The following CACNA2D4 variants were observed in gnomAD, a reference collection of about 807,000 sequenced individuals.
CACNA2D4 encodes the protein calcium voltage-gated channel auxiliary subunit alpha2delta 4, also known as voltage-dependent calcium channel subunit alpha-2/delta-4.
A neutral mutation model predicts 163.8 loss-of-function variants in CACNA2D4; 157 were observed. The ratio of observed to expected loss-of-function variants is 0.96; its 90% CI spans 0.84 to 1.09. The LOEUF is 1.09. Ranked by LOEUF, CACNA2D4 falls within the 50% of genes least tolerant of loss-of-function variation. The probability of loss-of-function intolerance (pLI) is 0.00; values close to 1 mark genes in which losing one functional copy is unlikely to be tolerated. For synonymous variants in CACNA2D4, 598 were observed against 586.9 expected, an observed-to-expected ratio of 1.02 and a Z score of -0.27; for missense variants, 1,410 against 1,479.9, an observed-to-expected ratio of 0.95 and a Z score of 0.78.
chr12:1,829,173 G>A lies in CACNA2D4; in HGVS notation c.2551+11566C>T, dbSNP rs540490806. 6.6e-5 allele frequency among the ~76,000 whole-genome samples: 10 copies of A among 152,174 alleles called. No individual in the cohort carries two copies. The highest frequency in any genetic ancestry group is 1.0e-4 in the Non-Finnish European group (7 of 68,034). ...ACCTTGATCTCCAGGGAGGTGGGGG[G>A]CGCAGGGAGTCGCTCTTCCGCAGCG... On this transcript the variant is annotated intron_variant, in intron 26 of 37. Transcript: ENST00000382722. This position sits in a 1 kb window ranked among gnomAD's most constrained non-coding sequence, Gnocchi z 4.2.
At chr12:1,805,557 C>A (rs532594722) in intron 29 of CACNA2D4, among the ~76,000 whole-genome samples, 1 of 152,298 alleles carries the variant, frequency 6.6e-6, no homozygotes, top group Admixed American at 6.5e-5. Flanking sequence ...CCTCACCTGC[C>A]CCTCCGTCCT....
At chr12:1,851,651 T>TTGTGTTTGTGTGTGTG (rs1865282050) in intron 23 of CACNA2D4, among the ~76,000 whole-genome samples, 1 of 118,580 alleles carries the variant, frequency 8.4e-6, no homozygotes, top group East Asian at 2.4e-4. Flanking sequence ...TGGTGTGTGT[T>TTGTGTTTGTGTGTGTG]TGTGTGTGTG....
At chr12:1,886,166 C>T in intron 8 of CACNA2D4, 57 bp downstream of exon 8, 1 of 1,593,464 alleles carries the variant, frequency 6.3e-7, no homozygotes, top group Non-Finnish European at 8.6e-7. Context: ...ACCTTGGTAC[C>T]TGTGTATGAT....
intron 27 of CACNA2D4, 26 bp from the exon 28 acceptor site, chr12:1,810,613 G>A: frequency 6.4e-7 from 1 of 1,551,666 alleles, no homozygotes; most frequent in Non-Finnish European, 8.7e-7. Flanking sequence ...GAGACTGAAT[G>A]TGGACACTGC....
chr12:1,912,518 T>C lies in CACNA2D4; in HGVS notation c.426+505A>G, dbSNP rs552959418. 6.6e-4 allele frequency among the ~76,000 whole-genome samples: 101 copies of C among 152,190 alleles called. 6 individuals are homozygous for C. The South Asian group carries it at 0.02, about 30-fold the overall frequency. ...TGGCCCTCAGAGCACTTGGAAGCCATGAAGGTGGGTCCTGATGGCTGAATG... is the reference window on the plus strand; with the variant it reads ...TGGCCCTCAGAGCACTTGGAAGCCACGAAGGTGGGTCCTGATGGCTGAATG... On this transcript the variant is annotated intron_variant, in intron 3 of 37. Transcript: ENST00000382722.
Position 1,885,166 on chromosome 12 carries a change from G to A in CACNA2D4, c.1069-90C>T, listed in dbSNP as rs1022126916. ...GGTGTTAATTTGGGAGGCTGTTTAG[G>A]GCCATCCAGAAGGACATGATTTCAG... On this transcript the variant is annotated intron_variant, in intron 9 of 37. Transcript: ENST00000382722. 2.9e-6 allele frequency: 3 copies of A among 1,041,560 alleles called. No individual in the cohort carries two copies. In the African/African-American group the frequency reaches 4.7e-5, roughly 16 times the overall value. 64.5% of individuals were successfully genotyped at this position (1,041,560 alleles called of 1,614,324 possible).
intron 13 of CACNA2D4, 120 bp downstream of exon 13, chr12:1,882,747 A>T: frequency 9.8e-7 from 1 of 1,018,500 alleles, no homozygotes; most frequent in Non-Finnish European, 1.4e-6. Flanking sequence ...GCCCCTTCTT[A>T]ATGTTCCCTA....
At chr12:1,903,096 C>T (rs1866574036) in intron 6 of CACNA2D4, among the ~76,000 whole-genome samples, 1 of 151,964 alleles carries the variant, frequency 6.6e-6, no homozygotes, top group Admixed American at 6.6e-5. Context: ...ACAAAGGTGC[C>T]AAGTACACAC....
chr12:1,887,157 AT>A, intron 6 of CACNA2D4, 88 bp from the exon 7 acceptor site: 2 of 869,172 alleles, frequency 2.3e-6, no homozygotes, highest in Non-Finnish European at 3.8e-6. Flanking sequence ...GATGGCCATG[AT>A]CCCCAGGGCA....
At chr12:1,916,520 G>T (rs1001261229) in intron 1 of CACNA2D4, among the ~76,000 whole-genome samples, 35 of 152,096 alleles carry the variant, frequency 2.3e-4, no homozygotes, top group African/African-American at 7.7e-4. Flanking sequence ...TGCAGCGTGA[G>T]ATCTCTGAGC....
chr12:1,808,227 G>A (rs551355389), intron 29 of CACNA2D4, among the ~76,000 whole-genome samples: 45 of 152,218 alleles, frequency 3.0e-4, no homozygotes, highest in African/African-American at 9.1e-4. Context: ...CTCCAGGGCC[G>A]CCTCCCCGCA....
chr12:1,867,593 T>G (rs1305081725), intron 18 of CACNA2D4, among the ~76,000 whole-genome samples: 1 of 152,200 alleles, frequency 6.6e-6, no homozygotes. Flanking sequence ...TAATACCTTC[T>G]GCATAGCAAA....
chr12:1,811,627 T>C (rs920409932), intron 27 of CACNA2D4, 35 bp downstream of exon 27: 15 of 1,549,800 alleles, frequency 9.7e-6, no homozygotes, highest in African/African-American at 2.8e-5. Context: ...GCGTGGTGAG[T>C]CCCCAGCCCC....
chr12:1,838,276 C>T (rs1054291471), intron 26 of CACNA2D4, among the ~76,000 whole-genome samples: 12 of 152,178 alleles, frequency 7.9e-5, no homozygotes, highest in Non-Finnish European at 1.8e-4. Context: ...CCACTGCCCC[C>T]GTGGCTGGGC....
rs11838086 is a variant in CACNA2D4, at chr12:1,888,547, A to G, written c.782-1478T>C. 3.7e-3 allele frequency among the ~76,000 whole-genome samples: 566 copies of G among 152,362 alleles called. 2 individuals carry two copies. Among genetic ancestry groups the G allele is most frequent in the African/African-American group, 0.013 (550 of 41,590 alleles). ...ACACAAACTAGGTAGGTATGAGAAG[A>G]ACACATAATACAAAGAACATACAAG... is the stretch of plus-strand genomic sequence containing the variant. On this transcript the variant is annotated intron_variant, in intron 6 of 37. Coordinates refer to ENST00000382722, the MANE Select transcript of CACNA2D4 (RefSeq NM_172364.5).
intron 26 of CACNA2D4, among the ~76,000 whole-genome samples, chr12:1,827,011 C>T (rs1006616598): frequency 3.3e-5 from 5 of 152,208 alleles, no homozygotes; most frequent in African/African-American, 1.2e-4. Context: ...CAGGAATTAC[C>T]CAGGGACAAA....
In CACNA2D4 at chr12:1,833,242, G is replaced by A. The variant is rs77934635; in HGVS notation, c.2551+7497C>T. On this transcript the variant is annotated intron_variant, in intron 26 of 37. Transcript: ENST00000382722. The surrounding 1 kb of genome is among the most constrained non-coding windows in gnomAD (Gnocchi z 4.2). ...GTATGAGGAGACTTGCGGCAGATGG[G>A]CTGCAGAGGGAGCTGCCAGTGACGG... Among the ~76,000 whole-genome samples, 1,603 of 152,318 alleles carry A rather than the reference G, an allele frequency of 0.011. 18 individuals carry two copies. The highest frequency in any genetic ancestry group is 0.018 in the Non-Finnish European group (1,255 of 68,030).
Position 1,886,022 on chromosome 12 carries a change from A to G in CACNA2D4, c.1011T>C (p.His337=), listed in dbSNP as rs1268153330. 2 of 1,613,450 alleles carry G rather than the reference A, an allele frequency of 1.2e-6. No homozygotes were observed. Among genetic ancestry groups the G allele is most frequent in the Non-Finnish European group, 1.7e-6 (2 of 1,179,582 alleles). Residue 337 remains histidine, a synonymous_variant, in exon 9 of 38, where the codon CAT becomes CAC. Coordinates refer to ENST00000382722, the MANE Select transcript of CACNA2D4 (RefSeq NM_172364.5). The stretch of plus-strand genomic sequence containing the variant: ...TCCCTTTAAAACAAGGCTCGATGTA[A>G]TGGACGTAGTCATTGTACTGCAGTT... The part of the protein sequence containing the change: ...INIIAYNDYV[H]YIEPCFKGIL...
chr12:1,894,326 A>G (rs939983593), intron 6 of CACNA2D4, among the ~76,000 whole-genome samples: 1 of 152,184 alleles, frequency 6.6e-6, no homozygotes, highest in Admixed American at 6.5e-5. Context: ...ACTAACACCA[A>G]TTATCCTCAA....
Sources: gnomAD v4.1 joint callset for allele counts (sites outside exome capture counted in the v4.1 genomes callset) on GRCh38, gnomAD v4.1.1 for gene constraint, Gnocchi (gnomAD v3.1) non-coding constraint, MANE v1.5 for transcripts, NCBI Gene and HGNC (gene_info 2026-07-23, HGNC 2026-07-21) for gene names.